CNTN1: variants seen among roughly 807,000 people sequenced by gnomAD.
CNTN1 encodes contactin 1, also known as contactin-1.
In CNTN1, 38 loss-of-function variants were observed where a neutral mutation model predicts 126.4. That is an observed-to-expected ratio of 0.30 (90% CI 0.23 to 0.39). CNTN1 has a LOEUF of 0.39. Ranked by LOEUF, CNTN1 falls within the 10% of genes least tolerant of loss-of-function variation. The pLI is 1.00. For synonymous variants in CNTN1, 413 were observed against 422.6 expected (o/e 0.98, Z 0.28); for missense variants, 1,009 against 1,248.4 (o/e 0.81, Z 2.89).
chr12:40,921,427 G>A (rs1237897376), intron 4 of CNTN1, among the ~76,000 whole-genome samples: 4 of 152,168 alleles, frequency 2.6e-5, no homozygotes, highest in Non-Finnish European at 5.9e-5. Flanking sequence ...TCTCTTAGTT[G>A]AGAACTATTT....
chr12:40,927,314 G>A (rs1361584850), intron 6 of CNTN1, among the ~76,000 whole-genome samples: 1 of 152,066 alleles, frequency 6.6e-6, no homozygotes, highest in East Asian at 1.9e-4. Flanking sequence ...CAAAGAAGAT[G>A]GTCTGTTGAG....
chr12:40,817,666 T>C (rs141450707), intron 1 of CNTN1, among the ~76,000 whole-genome samples: 3,409 of 151,936 alleles, frequency 0.022, 126 homozygotes, highest in African/African-American at 0.077. Context: ...CCCATTTACA[T>C]TTTAGGTTAA....
chr12:41,007,045 GTTTTTTTTTTTTT>G (rs71078294), intron 17 of CNTN1, among the ~76,000 whole-genome samples: 3 of 69,198 alleles, frequency 4.3e-5, no homozygotes, highest in Non-Finnish European at 5.0e-5. Flanking sequence ...GTTTTGTGTG[GTTTTTTTTTTTTT>G]TTTTTTTTTT....
chr12:40,735,638 T>A (rs1049890433), intron 1 of CNTN1, among the ~76,000 whole-genome samples: 1 of 152,078 alleles, frequency 6.6e-6, no homozygotes, highest in Non-Finnish European at 1.5e-5. Context: ...ATGTAAACCA[T>A]GTTTTTGACA....
intron 12 of CNTN1, among the ~76,000 whole-genome samples, chr12:40,942,986 C>T (rs1946308646): frequency 6.6e-6 from 1 of 152,014 alleles, no homozygotes; most frequent in Non-Finnish European, 1.5e-5. Context: ...AATCCAATGA[C>T]AGGCAATTCA....
At chr12:40,813,847 C>A (rs1213990356) in intron 1 of CNTN1, among the ~76,000 whole-genome samples, 1 of 152,168 alleles carries the variant, frequency 6.6e-6, no homozygotes, top group Non-Finnish European at 1.5e-5. Context: ...CACAGCCTCG[C>A]CAGCATCTAT....
chr12:40,993,196 C>T lies in CNTN1; in HGVS notation c.2040C>T (p.Arg680=), dbSNP rs776024500. The T allele has an allele frequency of 9.3e-6, 15 of 1,613,572 alleles. No individual in the cohort carries two copies. The highest frequency in any genetic ancestry group is 5.3e-5 in the African/African-American group (4 of 75,028). The change falls in exon 17 of 24, where the codon CGC becomes CGT. Residue 680 remains arginine (R), a synonymous_variant. Transcript: ENST00000551295. ...TCCCATGGATGGAGTATGAATTCCG[C>T]GTGGTAGCAACCAATACACTGGGTA... The part of the protein sequence containing the change: ...DLIPWMEYEF[R]VVATNTLGRG...
At chr12:40,874,074 C>G (rs1253859825) in intron 1 of CNTN1, among the ~76,000 whole-genome samples, 1 of 152,104 alleles carries the variant, frequency 6.6e-6, no homozygotes, top group Non-Finnish European at 1.5e-5. Context: ...GTTCTAGGCA[C>G]TATACTCAGG....
intron 23 of CNTN1, among the ~76,000 whole-genome samples, chr12:41,035,791 T>C (rs1358924744): frequency 6.6e-6 from 1 of 152,056 alleles, no homozygotes; most frequent in African/African-American, 2.4e-5. Context: ...CTGGTGTAAC[T>C]AGTGTGTAGT....
At chr12:40,974,836 T>A (rs1947627150) in intron 15 of CNTN1, among the ~76,000 whole-genome samples, 1 of 152,120 alleles carries the variant, frequency 6.6e-6, no homozygotes, top group Non-Finnish European at 1.5e-5. Flanking sequence ...TCAATATAAG[T>A]ACTCAGAAAA....
At chr12:40,860,294 G>A (rs930030097) in intron 1 of CNTN1, among the ~76,000 whole-genome samples, 6 of 152,096 alleles carry the variant, frequency 3.9e-5, no homozygotes, top group Non-Finnish European at 7.4e-5. Flanking sequence ...TTGTCTGGAT[G>A]TCTTCTAAGG....
chr12:40,748,956 A>T (rs900459032), intron 1 of CNTN1, among the ~76,000 whole-genome samples: 1 of 152,110 alleles, frequency 6.6e-6, no homozygotes, highest in African/African-American at 2.4e-5. Flanking sequence ...AATGTGCTAG[A>T]CTTGAAAACA....
intron 3 of CNTN1, among the ~76,000 whole-genome samples, chr12:40,915,101 A>C (rs1945183811): frequency 6.6e-6 from 1 of 152,138 alleles, no homozygotes; most frequent in Non-Finnish European, 1.5e-5. Flanking sequence ...ACCAACTTTT[A>C]TCTCAAAAGC....
At chr12:40,912,028 A>T (rs1308233371) in intron 3 of CNTN1, among the ~76,000 whole-genome samples, 3 of 152,240 alleles carry the variant, frequency 2.0e-5, no homozygotes, top group Non-Finnish European at 4.4e-5. Flanking sequence ...CAAATGAAAA[A>T]GTTATATCCA....
chr12:40,912,043 G>A (rs1945057310), intron 3 of CNTN1, among the ~76,000 whole-genome samples: 1 of 152,168 alleles, frequency 6.6e-6, no homozygotes, highest in Non-Finnish European at 1.5e-5. Context: ...TATCCAATAT[G>A]TCATCCAGCA....
chr12:40,741,251 A>C (rs748815391), intron 1 of CNTN1, among the ~76,000 whole-genome samples: 2 of 152,084 alleles, frequency 1.3e-5, no homozygotes, highest in Non-Finnish European at 2.9e-5. Flanking sequence ...CTATGTCCTT[A>C]CACTGGTTTA....
At chr12:40,943,094 A>C (rs183628490) in intron 12 of CNTN1, among the ~76,000 whole-genome samples, 11 of 152,300 alleles carry the variant, frequency 7.2e-5, no homozygotes, top group Non-Finnish European at 1.3e-4. Flanking sequence ...AAATATGTGT[A>C]GTATGAAAGA....
rs76249038 is a variant in CNTN1 at position 40,941,471 on chromosome 12, T to C, written c.1379+1986T>C. Among the ~76,000 whole-genome samples, 136 of 152,248 alleles carry C rather than the reference T, an allele frequency of 8.9e-4. No individual in the cohort carries two copies. The East Asian group carries it at 0.025, about 28-fold the overall frequency. On this transcript the variant is annotated intron_variant, in intron 12 of 23. Transcript: ENST00000551295. Reference sequence around the variant, plus strand: ...CATTTCCACGTAACTAAGTTATTTCTGTATCTGGTTAGTGCCTAAAGAGTG... The same window carrying C: ...CATTTCCACGTAACTAAGTTATTTCCGTATCTGGTTAGTGCCTAAAGAGTG...
intron 1 of CNTN1, among the ~76,000 whole-genome samples, chr12:40,905,116 T>G (rs1480196250): frequency 2.0e-5 from 3 of 152,262 alleles, no homozygotes; most frequent in Admixed American, 6.5e-5. Context: ...ACTTTCCCTG[T>G]ACACATTTAT....
Sources: allele counts gnomAD v4.1 joint callset (sites outside exome capture counted in the v4.1 genomes callset), GRCh38; gene constraint gnomAD v4.1.1; transcripts MANE v1.5; gene names NCBI Gene and HGNC (gene_info 2026-07-23, HGNC 2026-07-21).